MCC: variants seen among roughly 807,000 people sequenced by gnomAD.
MCC encodes colorectal mutant cancer protein.
A neutral mutation model predicts 116.2 loss-of-function variants in MCC; 90 were observed. The observed-to-expected ratio is 0.77, with a 90% confidence interval of 0.65 to 0.92. MCC has a LOEUF of 0.92. Among genes scored for constraint, MCC ranks in the 40% least tolerant of loss-of-function variants. The pLI, the probability that MCC is intolerant of heterozygous loss-of-function variation, is 0.00. For missense variants in MCC, 1,516 were observed against 1,312.2 expected (o/e 1.16, Z -2.40); for synonymous variants, 578 against 510.5 (o/e 1.13, Z -1.78).
At chr5:113,046,164 AT>A (rs1752055358) in intron 16 of MCC, among the ~76,000 whole-genome samples, 1 of 152,080 alleles carries the variant, frequency 6.6e-6, no homozygotes, top group Non-Finnish European at 1.5e-5. Flanking sequence ...TTAAAAAAAA[AT>A]CATCTGGCCT....
intron 3 of MCC, among the ~76,000 whole-genome samples, chr5:113,187,310 T>C (rs191809923): frequency 2.0e-5 from 3 of 152,268 alleles, no homozygotes; most frequent in Admixed American, 6.5e-5. Context: ...GGTTTTGCCA[T>C]GTTGGCCAGG....
intron 14 of MCC, among the ~76,000 whole-genome samples, chr5:113,057,047 A>G (rs7726899): frequency 0.25 from 38,060 of 152,014 alleles, 5,425 homozygotes; most frequent in Non-Finnish European, 0.34. Context: ...GGGAGGCGAG[A>G]GAGGGAGCTA....
intron 3 of MCC, among the ~76,000 whole-genome samples, chr5:113,251,699 C>G (rs2150344005): frequency 6.6e-6 from 1 of 152,290 alleles, no homozygotes; most frequent in South Asian, 2.1e-4. Flanking sequence ...GGGGAAGTCT[C>G]AGTTTTTAAA....
chr5:113,197,180 G>A (rs1762453874), intron 3 of MCC, among the ~76,000 whole-genome samples: 1 of 152,152 alleles, frequency 6.6e-6, no homozygotes. Context: ...TACGTTCTGG[G>A]TCGATGGGGA....
chr5:113,322,468 A>T (rs949419296), intron 3 of MCC, among the ~76,000 whole-genome samples: 2 of 152,242 alleles, frequency 1.3e-5, no homozygotes, highest in African/African-American at 4.8e-5. Context: ...GAAATCAATT[A>T]TGAGAAAACA....
intron 17 of MCC, among the ~76,000 whole-genome samples, chr5:113,036,558 G>A (rs1044691958): frequency 6.1e-4 from 93 of 152,176 alleles, no homozygotes; most frequent in African/African-American, 2.1e-3. Flanking sequence ...CAGGTATGTC[G>A]GTGGCTGTGT....
Position 113,064,020 on chromosome 5 carries a change from T to G in MCC, c.2177A>C (p.Gln726Pro). The change falls in exon 14 of 19, where the codon CAG becomes CCG. Residue 726 changes from glutamine to proline, a missense_variant. Transcript: ENST00000408903. ...GTTGGAGGAAAGGCTCTCCCAGGGC[T>G]GCACGCTGCAGCCGGCCACGGCAAA... is the stretch of plus-strand genomic sequence containing the variant. ...GAFAVAGCSVQPWESLSSNSH... is the reference protein window; with the variant it reads ...GAFAVAGCSVPPWESLSSNSH... The G allele has an allele frequency of 6.2e-7, 1 of 1,613,886 alleles. No individual in the cohort carries two copies. The highest frequency in any genetic ancestry group is 8.5e-7 in the Non-Finnish European group (1 of 1,179,992).
At chr5:113,359,101 T>C (rs959764671) in intron 2 of MCC, among the ~76,000 whole-genome samples, 1 of 152,220 alleles carries the variant, frequency 6.6e-6, no homozygotes, top group South Asian at 2.1e-4. Context: ...GTAGTTCCTT[T>C]GCCCTTTGTC....
At chr5:113,071,505 G>A (rs1323078555) in intron 11 of MCC, among the ~76,000 whole-genome samples, 1 of 152,198 alleles carries the variant, frequency 6.6e-6, no homozygotes, top group Non-Finnish European at 1.5e-5. Context: ...GCAGGGCACA[G>A]TGCTAGGCTC....
intron 3 of MCC, among the ~76,000 whole-genome samples, chr5:113,256,692 TGA>T (rs1765018161): frequency 6.6e-6 from 1 of 152,170 alleles, no homozygotes; most frequent in Non-Finnish European, 1.5e-5. Context: ...TTGGGAAGCC[TGA>T]GAGACATCCA....
chr5:113,033,489 C>T (rs1262809792), intron 17 of MCC, among the ~76,000 whole-genome samples: 6 of 152,180 alleles, frequency 3.9e-5, no homozygotes, highest in Admixed American at 3.9e-4. Context: ...CATTCTTGTT[C>T]CTTTCTCCTT....
intron 11 of MCC, among the ~76,000 whole-genome samples, chr5:113,077,279 T>C (rs1754523913): frequency 6.6e-6 from 1 of 152,164 alleles, no homozygotes; most frequent in Non-Finnish European, 1.5e-5. Context: ...TATCCAGGAA[T>C]TGAACTCAGC....
intron 3 of MCC, among the ~76,000 whole-genome samples, chr5:113,307,758 C>T (rs980879738): frequency 6.6e-6 from 1 of 152,142 alleles, no homozygotes; most frequent in African/African-American, 2.4e-5. Flanking sequence ...AGTCTTTTAC[C>T]ATTAAAAATG....
chr5:113,272,591 G>A (rs114429166), intron 3 of MCC, among the ~76,000 whole-genome samples: 2,743 of 152,068 alleles, frequency 0.018, 100 homozygotes, highest in African/African-American at 0.062. Flanking sequence ...CTAATTATCA[G>A]GATACACTTG....
chr5:113,342,752 C>T (rs1257323277), intron 2 of MCC, among the ~76,000 whole-genome samples: 1 of 152,232 alleles, frequency 6.6e-6, no homozygotes, highest in Non-Finnish European at 1.5e-5. Context: ...GCCTAGGCTG[C>T]ATGCCTCTAG....
At chr5:113,081,568 T>C (rs1031319917) in intron 11 of MCC, among the ~76,000 whole-genome samples, 1 of 152,090 alleles carries the variant, frequency 6.6e-6, no homozygotes, top group Non-Finnish European at 1.5e-5. Context: ...AGAGAGGAGA[T>C]CCTCACTAAA....
intron 1 of MCC, among the ~76,000 whole-genome samples, chr5:113,468,013 T>C (rs1410256778): frequency 6.6e-6 from 1 of 152,212 alleles, no homozygotes; most frequent in African/African-American, 2.4e-5. Flanking sequence ...ATGCTTGTGA[T>C]TTTTTGCACA....
chr5:113,082,251 G>C (rs1754912842), intron 11 of MCC, among the ~76,000 whole-genome samples: 1 of 152,266 alleles, frequency 6.6e-6, no homozygotes, highest in Non-Finnish European at 1.5e-5. Flanking sequence ...GTTAGGATAG[G>C]ATGTAGGGAT....
intron 3 of MCC, among the ~76,000 whole-genome samples, chr5:113,289,854 A>T (rs1009687450): frequency 6.6e-6 from 1 of 152,224 alleles, no homozygotes; most frequent in African/African-American, 2.4e-5. Context: ...ATTCTGCACC[A>T]GGTCTTGACC....
Sources: allele counts gnomAD v4.1 joint callset (sites outside exome capture counted in the v4.1 genomes callset), GRCh38; gene constraint gnomAD v4.1.1; transcripts MANE v1.5; gene names NCBI Gene and HGNC (gene_info 2026-07-23, HGNC 2026-07-21).